The following ZNF248 variants were observed in gnomAD, a reference collection of about 807,000 sequenced individuals.
ZNF248 encodes the protein KRAB protein domain.
A neutral mutation model predicts 44.3 loss-of-function variants in ZNF248; 20 were observed. That is an observed-to-expected ratio of 0.45 (90% confidence interval 0.32 to 0.66). The LOEUF is 0.66. ZNF248 is among the 30% of genes least tolerant of loss of function. The probability of loss-of-function intolerance (pLI) is 0.04; values close to 1 mark genes in which losing one functional copy is unlikely to be tolerated. For synonymous variants in ZNF248, 224 were observed against 229.0 expected, an observed-to-expected ratio of 0.98 and a Z score of 0.20; for missense variants, 654 against 677.0, an observed-to-expected ratio of 0.97 and a Z score of 0.38.
chr10:37,815,643 TC>T (rs2052326770), intron 6 of ZNF248, among the ~76,000 whole-genome samples: 1 of 152,204 alleles, frequency 6.6e-6, no homozygotes, highest in East Asian at 1.9e-4. Context: ...CAGTTTCTTT[TC>T]TTTTTTGCTT....
At chr10:37,773,244 A>G (rs141325457), downstream of ZNF248, among the ~76,000 whole-genome samples, 46 of 152,292 alleles carry the variant, frequency 3.0e-4, no homozygotes, top group East Asian at 6.7e-3. Flanking sequence ...GACTCCGTCT[A>G]AAAAATAAAT....
chr10:37,830,897 T>C lies in ZNF248; in HGVS notation c.*718A>G, dbSNP rs2055436499. The C allele has an allele frequency of 4.4e-6, 1 of 229,436 alleles. No homozygotes were observed. The highest frequency in any genetic ancestry group is 7.6e-6 in the Non-Finnish European group (1 of 131,426). The allele number at this position is 229,436 out of a possible 1,614,324, so 14.2% of individuals were successfully genotyped here. On this transcript the variant is annotated 3_prime_UTR_variant, in exon 6 of 6. Coordinates refer to ENST00000395867, the MANE Select transcript of ZNF248 (RefSeq NM_021045.3). ...ATTACCTTTGTTTTTAACTGTAAGT[T>C]TACATATTTTAAATAATGACTGCTT...
At chr10:37,836,802 A>G (rs1280147921) in intron 5 of ZNF248, among the ~76,000 whole-genome samples, 3 of 136,554 alleles carry the variant, frequency 2.2e-5, no homozygotes, top group Middle Eastern at 3.7e-3. Context: ...ACACACACAC[A>G]CACGCATTTT....
At chr10:37,812,868 G>T (rs937784743) in intron 6 of ZNF248, among the ~76,000 whole-genome samples, 1 of 152,122 alleles carries the variant, frequency 6.6e-6, no homozygotes, top group Admixed American at 6.5e-5. Flanking sequence ...CACTGAAGAT[G>T]GCGTGACTGT....
At chr10:37,760,317 C>A in the ZNF248 span, among the ~76,000 whole-genome samples, 1 of 152,160 alleles carries the variant, frequency 6.6e-6, no homozygotes. Flanking sequence ...GTAGTCTCAA[C>A]TTCCCTGAGC....
At chr10:37,770,882 G>T in the ZNF248 span, among the ~76,000 whole-genome samples, 1 of 151,942 alleles carries the variant, frequency 6.6e-6, no homozygotes, top group South Asian at 2.1e-4. Flanking sequence ...TCTGACAAAG[G>T]GCTAATATCC....
chr10:37,768,194 A>C, the ZNF248 span, among the ~76,000 whole-genome samples: 1 of 152,178 alleles, frequency 6.6e-6, no homozygotes, highest in Admixed American at 6.5e-5. Context: ...TTAACACCCC[A>C]CTGACAACAT....
intron 6 of ZNF248, among the ~76,000 whole-genome samples, chr10:37,804,915 T>C (rs2050347326): frequency 6.6e-6 from 1 of 152,224 alleles, no homozygotes; most frequent in Non-Finnish European, 1.5e-5. Context: ...TTATACTTTA[T>C]TTTGTATATC....
downstream of ZNF248, among the ~76,000 whole-genome samples, chr10:37,824,683 T>TTTTTTTG (rs2054075937): frequency 3.1e-5 from 3 of 96,666 alleles, 1 homozygote; most frequent in African/African-American, 1.3e-4. Context: ...ATTTTTTTTT[T>TTTTTTTG]TTTTTTTTTT....
intron 3 of ZNF248, among the ~76,000 whole-genome samples, chr10:37,844,685 T>C (rs2058966373): frequency 1.3e-5 from 2 of 152,320 alleles, no homozygotes; most frequent in East Asian, 3.9e-4. Flanking sequence ...AAATGTGGAA[T>C]GTTCATTGTT....
chr10:37,835,881 T>C (rs988144475), intron 5 of ZNF248, among the ~76,000 whole-genome samples: 7 of 152,218 alleles, frequency 4.6e-5, no homozygotes, highest in Non-Finnish European at 1.0e-4. Flanking sequence ...ACCTCAACCA[T>C]GTACTTACAC....
the ZNF248 span, among the ~76,000 whole-genome samples, chr10:37,764,911 A>C: frequency 6.6e-6 from 1 of 152,166 alleles, no homozygotes; most frequent in Non-Finnish European, 1.5e-5. Flanking sequence ...ATATGCATGA[A>C]TCTGCACTAG....
intron 6 of ZNF248, among the ~76,000 whole-genome samples, chr10:37,781,396 C>T (rs1376634962): frequency 4.6e-5 from 7 of 152,190 alleles, no homozygotes; most frequent in Non-Finnish European, 1.5e-5. Context: ...GGCTGTTACC[C>T]ATAAGTCAGT....
chr10:37,782,761 T>C (rs1050279970), intron 6 of ZNF248, among the ~76,000 whole-genome samples: 3 of 152,074 alleles, frequency 2.0e-5, no homozygotes, highest in Admixed American at 1.3e-4. Flanking sequence ...AAGCTAAGCA[T>C]TGCCAGCAAC....
chr10:37,849,337 A>T (rs1356676064), intron 3 of ZNF248, among the ~76,000 whole-genome samples: 4 of 152,128 alleles, frequency 2.6e-5, no homozygotes, highest in Non-Finnish European at 5.9e-5. Flanking sequence ...GAAATTTAAA[A>T]ACATGGTTAA....
chr10:37,831,992 G>C lies in ZNF248; in HGVS notation c.1363C>G (p.Gln455Glu). Reference sequence around the variant, plus strand: ...GGCTTCTCCCCTGTGTGTGTTCTCTGATGTTCAGTGAGGTTTGACTTCACA... The same window carrying C: ...GGCTTCTCCCCTGTGTGTGTTCTCTCATGTTCAGTGAGGTTTGACTTCACA... ...FCVKSNLTEHQRTHTGEKPYE... is the reference protein window; with the variant it reads ...FCVKSNLTEHERTHTGEKPYE... The change falls in exon 6 of 6, where the codon CAG becomes GAG. Residue 455 changes from glutamine to glutamate, a missense_variant. By Grantham distance (29) the Gln-to-Glu change is conservative. Transcript: ENST00000395867. 2 of 1,614,096 alleles carry C rather than the reference G, an allele frequency of 1.2e-6. No homozygotes were observed. Among genetic ancestry groups the C allele is most frequent in the South Asian group, 1.1e-5 (1 of 91,080 alleles).
intron 6 of ZNF248, chr10:37,820,095 T>C: frequency 5.7e-6 from 5 of 879,548 alleles, no homozygotes; most frequent in South Asian, 5.2e-5. Context: ...TCTTTTGCTG[T>C]TCATCAATCT....
chr10:37,823,333 CAAAAAAAAAAAAAAAAAA>C (rs60957023), intron 6 of ZNF248, among the ~76,000 whole-genome samples: 9 of 17,536 alleles, frequency 5.1e-4, no homozygotes, highest in South Asian at 7.8e-3. Flanking sequence ...ACTCCGTCTC[CAAAAAAAAAAAAAAAAAA>C]AAAAAAAAAA....
At chr10:37,759,701 A>G in the ZNF248 span, among the ~76,000 whole-genome samples, 5,104 of 152,330 alleles carry the variant, frequency 0.034, 174 homozygotes, top group Non-Finnish European at 0.044. Flanking sequence ...TTGCTCAGTC[A>G]GACAAGCAAA....
Sources: allele counts gnomAD v4.1 joint callset (sites outside exome capture counted in the v4.1 genomes callset), GRCh38; gene constraint gnomAD v4.1.1; transcripts MANE v1.5; gene names NCBI Gene and HGNC (gene_info 2026-07-23, HGNC 2026-07-21).